The following CRB1 variants were observed in gnomAD, a reference collection of about 807,000 sequenced individuals.
The protein encoded by CRB1 is protein crumbs homolog 1.
CRB1 carries 83 observed loss-of-function variants against 120.0 expected under a neutral mutation model. The observed-to-expected ratio is 0.69, with a 90% CI of 0.58 to 0.83. CRB1 has a LOEUF of 0.83. Ranked by LOEUF, CRB1 falls within the 40% of genes least tolerant of loss-of-function variation. The probability of loss-of-function intolerance (pLI) is 0.00; values close to 1 mark genes in which losing one functional copy is unlikely to be tolerated. For synonymous variants in CRB1, 625 were observed against 612.5 expected, an observed-to-expected ratio of 1.02 and a Z score of -0.30; for missense variants, 1,699 against 1,687.6, an observed-to-expected ratio of 1.01 and a Z score of -0.12.
intron 4 of CRB1, among the ~76,000 whole-genome samples, chr1:197,354,086 G>GT (rs1404151483): frequency 1.3e-5 from 2 of 150,098 alleles, no homozygotes; most frequent in Non-Finnish European, 3.0e-5. Context: ...GTAAACCAAA[G>GT]TAACAGTGAG....
At position 197,335,355 on chromosome 1, in the gene CRB1, T is replaced by C. The variant is rs191764085; in HGVS notation, c.652+6352T>C. 2.2e-4 allele frequency among the ~76,000 whole-genome samples: 34 copies of C among 152,090 alleles called. No homozygotes were observed. In the Middle Eastern group the frequency reaches 0.027, roughly 123 times the overall value. On this transcript the variant is annotated intron_variant, in intron 2 of 11. Coordinates refer to ENST00000367400, the MANE Select transcript of CRB1 (RefSeq NM_201253.3). ...GACTTACATTTTAACAAGGTCACTC[T>C]GCTTATTATGTTGAAGATACACTGC...
chr1:197,431,429 A>G (rs1275008676), intron 8 of CRB1, among the ~76,000 whole-genome samples: 1 of 152,182 alleles, frequency 6.6e-6, no homozygotes, highest in Non-Finnish European at 1.5e-5. Flanking sequence ...TTTAAATGAT[A>G]CTTTTTCATT....
chr1:197,268,868 C>G (rs1288180767), intron 1 of CRB1, among the ~76,000 whole-genome samples: 1 of 152,118 alleles, frequency 6.6e-6, no homozygotes, highest in African/African-American at 2.4e-5. Context: ...TCATTTTATT[C>G]CCACATACTA....
At chr1:197,462,488 A>G (rs1453412043) in intron 11 of CRB1, among the ~76,000 whole-genome samples, 1 of 152,132 alleles carries the variant, frequency 6.6e-6, no homozygotes, top group African/African-American at 2.4e-5. Flanking sequence ...CCTCTTGGCA[A>G]TGGGTGACAT....
chr1:197,302,781 T>A (rs1656946182), intron 1 of CRB1, among the ~76,000 whole-genome samples: 2 of 152,216 alleles, frequency 1.3e-5, no homozygotes, highest in Admixed American at 1.3e-4. Flanking sequence ...CAAGAGCCCC[T>A]TTAGGTCAGC....
At chr1:197,255,647 A>G in the CRB1 span, among the ~76,000 whole-genome samples, 12 of 152,104 alleles carry the variant, frequency 7.9e-5, no homozygotes, top group South Asian at 1.7e-3. Context: ...CTGTCAATCA[A>G]TTGCTCAAAT....
chr1:197,405,951 T>C (rs1055206622), intron 5 of CRB1, among the ~76,000 whole-genome samples: 1 of 143,352 alleles, frequency 7.0e-6, no homozygotes, highest in Admixed American at 7.0e-5. Context: ...GGGAGGGAGG[T>C]GGGGGGGTCA....
At chr1:197,291,374 T>C (rs1656171684) in intron 1 of CRB1, among the ~76,000 whole-genome samples, 1 of 151,856 alleles carries the variant, frequency 6.6e-6, no homozygotes, top group Non-Finnish European at 1.5e-5. Context: ...TTTAATTACA[T>C]TGGGAAATTT....
intron 9 of CRB1, among the ~76,000 whole-genome samples, chr1:197,435,848 C>T (rs551160053): frequency 4.6e-5 from 7 of 152,206 alleles, no homozygotes; most frequent in African/African-American, 1.4e-4. Context: ...TTTTCTCAGT[C>T]ATCTGTGTGA....
chr1:197,274,544 A>T (rs992449500), intron 1 of CRB1, among the ~76,000 whole-genome samples: 4 of 152,184 alleles, frequency 2.6e-5, no homozygotes, highest in Non-Finnish European at 5.9e-5. Flanking sequence ...GCACCATTAA[A>T]GTATTATGCA....
At chr1:197,438,294 A>G (rs1043223187) in intron 9 of CRB1, among the ~76,000 whole-genome samples, 41 of 152,172 alleles carry the variant, frequency 2.7e-4, no homozygotes, top group Non-Finnish European at 3.8e-4. Context: ...CATGGCATAG[A>G]TCTTATCTCA....
chr1:197,436,145 T>C (rs1439432819), intron 9 of CRB1, among the ~76,000 whole-genome samples: 2 of 152,110 alleles, frequency 1.3e-5, no homozygotes, highest in African/African-American at 4.8e-5. Context: ...ACATAACAAC[T>C]ATCAGCCTGG....
At chr1:197,238,035 A>T in the CRB1 span, among the ~76,000 whole-genome samples, 10,051 of 152,152 alleles carry the variant, frequency 0.066, 1,124 homozygotes, top group African/African-American at 0.23. Flanking sequence ...AAATGTTGAT[A>T]TGTTGTATTT....
intron 2 of CRB1, among the ~76,000 whole-genome samples, chr1:197,340,683 A>G (rs1659401303): frequency 6.6e-6 from 1 of 152,136 alleles, no homozygotes; most frequent in African/African-American, 2.4e-5. Flanking sequence ...AAATAAGATG[A>G]TAACTCCTAG....
At position 197,436,838 on chromosome 1, in the gene CRB1, C is replaced by A. The variant is rs147567656; in HGVS notation, c.3749+1226C>A. Among the ~76,000 whole-genome samples, 957 of 152,184 alleles carry A rather than the reference C, an allele frequency of 6.3e-3. 8 individuals carry two copies. The highest frequency in any genetic ancestry group is 9.3e-3 in the Non-Finnish European group (629 of 67,988). The stretch of plus-strand genomic sequence containing the variant: ...ACAGACCACTGCAAAAGTGGATAAT[C>A]CTGGATAGTCCTTTATGTAAACCCA... On this transcript the variant is annotated intron_variant, in intron 9 of 11. Coordinates refer to ENST00000367400, the MANE Select transcript of CRB1 (RefSeq NM_201253.3).
intron 11 of CRB1, among the ~76,000 whole-genome samples, chr1:197,476,040 G>A (rs549427661): frequency 1.3e-5 from 2 of 151,944 alleles, no homozygotes; most frequent in Admixed American, 6.6e-5. Context: ...CTCCCAAGTC[G>A]TTGGGATTAC....
intron 1 of CRB1, among the ~76,000 whole-genome samples, chr1:197,303,107 T>TTTTA (rs145037589): frequency 1.7e-3 from 256 of 151,398 alleles, no homozygotes; most frequent in African/African-American, 4.9e-3. Flanking sequence ...CCAATTATTC[T>TTTTA]TTTATTTATT....
At chr1:197,291,932 A>G (rs1225748785) in intron 1 of CRB1, among the ~76,000 whole-genome samples, 4 of 152,058 alleles carry the variant, frequency 2.6e-5, no homozygotes, top group Non-Finnish European at 5.9e-5. Context: ...GTAGAGGGAA[A>G]TATATAGCAC....
chr1:197,209,381 G>A, the CRB1 span, among the ~76,000 whole-genome samples: 1 of 152,086 alleles, frequency 6.6e-6, no homozygotes. Context: ...GTCTCGCTCT[G>A]TTGCCCAGGC....
Sources: gnomAD v4.1 joint callset for allele counts (sites outside exome capture counted in the v4.1 genomes callset) on GRCh38, gnomAD v4.1.1 for gene constraint, MANE v1.5 for transcripts, NCBI Gene and HGNC (gene_info 2026-07-23, HGNC 2026-07-21) for gene names.